The following CAPZB variants were observed in gnomAD, a reference collection of about 807,000 sequenced individuals.
CAPZB encodes F-actin-capping protein subunit beta.
Under a neutral mutation model 38.1 loss-of-function variants are expected in CAPZB, and 2 were observed. The observed-to-expected ratio is 0.05, with a 90% CI of 0.02 to 0.17. CAPZB has a LOEUF of 0.17. CAPZB is among the 10% of genes least tolerant of loss of function. CAPZB has a pLI of 1.00. For missense variants in CAPZB, 161 were observed against 334.2 expected (o/e 0.48, Z 4.04); for synonymous variants, 107 against 127.4 (o/e 0.84, Z 1.08).
At chr1:19,482,453 G>C (rs1278535081) in intron 1 of CAPZB, among the ~76,000 whole-genome samples, 1 of 152,202 alleles carries the variant, frequency 6.6e-6, no homozygotes, top group Non-Finnish European at 1.5e-5. Context: ...CAATTCCTGA[G>C]GGGGCCTCCC....
At chr1:19,388,949 T>C (rs2100237568) in intron 2 of CAPZB, among the ~76,000 whole-genome samples, 1 of 152,334 alleles carries the variant, frequency 6.6e-6, no homozygotes, top group South Asian at 2.1e-4. Flanking sequence ...CTCTGGGACT[T>C]GATATGGCCA....
intron 1 of CAPZB, among the ~76,000 whole-genome samples, chr1:19,461,680 G>A (rs560799064): frequency 1.3e-4 from 20 of 152,302 alleles, no homozygotes; most frequent in African/African-American, 3.6e-4. Flanking sequence ...TTATGGAAAC[G>A]AAATCTATCT....
intron 1 of CAPZB, among the ~76,000 whole-genome samples, chr1:19,435,185 A>C (rs1277936256): frequency 6.6e-6 from 1 of 152,148 alleles, no homozygotes; most frequent in Non-Finnish European, 1.5e-5. Context: ...TTACTAGTGG[A>C]AACATTATTC....
intron 3 of CAPZB, among the ~76,000 whole-genome samples, chr1:19,379,100 C>CTTCTTTT (rs2094159598): frequency 7.2e-6 from 1 of 138,250 alleles, no homozygotes; most frequent in South Asian, 2.3e-4. Context: ...TTTTTTCTTT[C>CTTCTTTT]TTTTTTTTTT....
At chr1:19,457,821 G>C (rs1024852998) in intron 1 of CAPZB, among the ~76,000 whole-genome samples, 69 of 152,078 alleles carry the variant, frequency 4.5e-4, no homozygotes, top group African/African-American at 1.6e-3. Flanking sequence ...AACCACTTCA[G>C]AAGGACCAGT....
chr1:19,381,480 GAAGA>G (rs2100439034), intron 3 of CAPZB, among the ~76,000 whole-genome samples: 1 of 152,250 alleles, frequency 6.6e-6, no homozygotes, highest in South Asian at 2.1e-4. Context: ...CCCGGGAGAG[GAAGA>G]AAGGGGAATT....
At chr1:19,441,509 T>C (rs1457569462) in intron 1 of CAPZB, among the ~76,000 whole-genome samples, 1 of 152,140 alleles carries the variant, frequency 6.6e-6, no homozygotes, top group Non-Finnish European at 1.5e-5. Context: ...CTTCATTTAC[T>C]GAGTACCTAC....
intron 1 of CAPZB, among the ~76,000 whole-genome samples, chr1:19,468,234 C>T (rs527461336): frequency 1.4e-4 from 21 of 152,270 alleles, no homozygotes; most frequent in African/African-American, 5.1e-4. Flanking sequence ...TTGTTTCTTC[C>T]CTCTTTTCTA....
chr1:19,387,694 G>A (rs189211153), intron 2 of CAPZB, among the ~76,000 whole-genome samples: 28 of 152,298 alleles, frequency 1.8e-4, no homozygotes, highest in African/African-American at 4.3e-4. Context: ...ACTCCGCTGC[G>A]TACAAGTAGC....
intron 1 of CAPZB, among the ~76,000 whole-genome samples, chr1:19,454,681 T>C (rs1167404184): frequency 6.6e-6 from 1 of 152,176 alleles, no homozygotes; most frequent in Non-Finnish European, 1.5e-5. Context: ...TCGCAGTCTG[T>C]ACTGTAATGC....
intron 1 of CAPZB, chr1:19,484,360 C>T (rs762648912): frequency 1.3e-6 from 2 of 1,552,414 alleles, no homozygotes; most frequent in African/African-American, 1.4e-5. Flanking sequence ...TGCGTTCATC[C>T]TTGTCCTGTG....
At chr1:19,368,692 G>C (rs1014078775) in intron 4 of CAPZB, among the ~76,000 whole-genome samples, 1 of 150,108 alleles carries the variant, frequency 6.7e-6, no homozygotes, top group Non-Finnish European at 1.5e-5. Flanking sequence ...ATTAGACATG[G>C]GGTCTCTCTC....
intron 1 of CAPZB, among the ~76,000 whole-genome samples, chr1:19,469,083 G>A (rs2094577898): frequency 6.6e-6 from 1 of 152,210 alleles, no homozygotes; most frequent in African/African-American, 2.4e-5. Flanking sequence ...ATTAATCAAT[G>A]TCTCTTTGAA....
At chr1:19,456,057 G>A (rs556905738) in intron 1 of CAPZB, among the ~76,000 whole-genome samples, 10 of 152,264 alleles carry the variant, frequency 6.6e-5, no homozygotes, top group African/African-American at 1.2e-4. Flanking sequence ...GACTACAGGC[G>A]CGCACCATCA....
intron 4 of CAPZB, among the ~76,000 whole-genome samples, chr1:19,373,208 A>C (rs1307318021): frequency 6.6e-6 from 1 of 152,120 alleles, no homozygotes; most frequent in Non-Finnish European, 1.5e-5. Flanking sequence ...TGGACTTCAG[A>C]GGGAGCCGTG....
At chr1:19,362,211 A>T (rs2094056773) in intron 4 of CAPZB, among the ~76,000 whole-genome samples, 1 of 151,998 alleles carries the variant, frequency 6.6e-6, no homozygotes, top group Admixed American at 6.6e-5. Flanking sequence ...TTTGAGACAG[A>T]GTCTCTCTGT....
chr1:19,467,335 G>C (rs1164383314), intron 1 of CAPZB, among the ~76,000 whole-genome samples: 1 of 152,190 alleles, frequency 6.6e-6, no homozygotes, highest in Non-Finnish European at 1.5e-5. Flanking sequence ...GGAATAAAAG[G>C]AAAGATAAAG....
Position 19,339,122 on chromosome 1 carries a change from T to C in CAPZB, c.*408A>G, listed in dbSNP as rs1475804038. ...ACGGAATAAGATTTCCAGTTTTTCT[T>C]CTCTCTTTCACACACCACAGTTAGT... On this transcript the variant is annotated 3_prime_UTR_variant, in exon 9 of 9. Transcript: ENST00000264202. 1 of 173,446 alleles carries C rather than the reference T, an allele frequency of 5.8e-6. No homozygotes were observed. The highest frequency in any genetic ancestry group is 1.2e-5 in the Non-Finnish European group (1 of 81,194). The allele number at this position is 173,446 out of a possible 1,614,324, so 10.7% of individuals were successfully genotyped here. A position where few individuals can be genotyped will look rare whatever the true frequency, so the allele number is the denominator to read the frequency against.
chr1:19,453,677 C>T (rs2094524032), intron 1 of CAPZB, among the ~76,000 whole-genome samples: 1 of 152,196 alleles, frequency 6.6e-6, no homozygotes, highest in African/African-American at 2.4e-5. Context: ...TGTCACCTGA[C>T]TTCACAACAC....
Sources: gnomAD v4.1 joint callset for allele counts (sites outside exome capture counted in the v4.1 genomes callset) on GRCh38, gnomAD v4.1.1 for gene constraint, MANE v1.5 for transcripts, NCBI Gene and HGNC (gene_info 2026-07-23, HGNC 2026-07-21) for gene names.